The following NOX4 variants were observed in gnomAD, a reference collection of about 807,000 sequenced individuals.
The protein encoded by NOX4 is kidney oxidase-1.
Under a neutral mutation model 87.6 loss-of-function variants are expected in NOX4, and 69 were observed. The ratio of observed to expected loss-of-function variants is 0.79; its 90% CI spans 0.65 to 0.96. The LOEUF (loss-of-function observed/expected upper bound fraction) is 0.96. Among genes scored for constraint, NOX4 ranks in the 40% least tolerant of loss-of-function variants. NOX4 has a pLI of 0.00. For synonymous variants in NOX4, 275 were observed against 238.2 expected (o/e 1.15, Z -1.42); for missense variants, 680 against 681.5 (o/e 1.00, Z 0.02).
chr11:89,342,180 C>T lies in NOX4; in HGVS notation c.1231G>A (p.Gly411Ser). 1 of 1,612,188 alleles carries T rather than the reference C, an allele frequency of 6.2e-7. No individual in the cohort carries two copies. The highest frequency in any genetic ancestry group is 8.5e-7 in the Non-Finnish European group (1 of 1,178,968). Residue 411 changes from glycine (G) to serine (S), a missense_variant, in exon 14 of 18, where the codon GGT (glycine) becomes AGT (serine). Coordinates refer to ENST00000263317, the MANE Select transcript of NOX4 (RefSeq NM_016931.5). Reference protein sequence around the residue: ...SRNYPKLYIDGPFGSPFEESL... With the variant: ...SRNYPKLYIDSPFGSPFEESL... ...TCCTCAAATGGACTTCCAAAAGGAC[C>T]ATCAATATACAGCCTGTAGAGCAGT...
Position 89,400,195 on chromosome 11 carries a change from G to A in NOX4, c.1011+20C>T. The A allele has an allele frequency of 6.2e-7, 1 of 1,606,804 alleles. No homozygotes were observed. The highest frequency in any genetic ancestry group is 2.2e-5 in the East Asian group (1 of 44,692). The stretch of plus-strand genomic sequence containing the variant: ...CATAAGGATAAAGGCTATTTAAAAA[G>A]TTGCTGACCACTGACTCACCTGACC... On this transcript the variant is annotated intron_variant, in intron 10 of 17. Transcript: ENST00000263317.
At chr11:89,506,245 G>GAA in the NOX4 span, among the ~76,000 whole-genome samples, 1 of 130,206 alleles carries the variant, frequency 7.7e-6, no homozygotes, top group Admixed American at 8.2e-5. Context: ...AAGAGAGAGA[G>GAA]AGAAAGAAAA....
At chr11:89,545,230 G>A in the NOX4 span, 1 of 152,128 alleles carries the variant, frequency 6.6e-6, no homozygotes. Flanking sequence ...TTCTGTGTAT[G>A]TTTTTCTGCT....
intron 6 of NOX4, among the ~76,000 whole-genome samples, chr11:89,434,038 T>C (rs1011975325): frequency 2.0e-5 from 3 of 152,046 alleles, no homozygotes; most frequent in Admixed American, 1.3e-4. Context: ...AGAAAAGCTA[T>C]TGGGACAATT....
intron 11 of NOX4, among the ~76,000 whole-genome samples, chr11:89,392,020 G>C (rs899093839): frequency 6.7e-6 from 1 of 148,430 alleles, no homozygotes; most frequent in Non-Finnish European, 1.5e-5. Context: ...CCCGACCTGG[G>C]ATAATTTCCA....
chr11:89,579,729 G>T, the NOX4 span, among the ~76,000 whole-genome samples: 3,203 of 152,130 alleles, frequency 0.021, 94 homozygotes, highest in African/African-American at 0.066. Flanking sequence ...GAAACTGTAG[G>T]GAGTGAGGGG....
chr11:89,390,836 G>C (rs1272022420), intron 11 of NOX4, among the ~76,000 whole-genome samples: 1 of 152,106 alleles, frequency 6.6e-6, no homozygotes, highest in Non-Finnish European at 1.5e-5. Flanking sequence ...TTTTGTTAGA[G>C]AGAAATAAGC....
intron 17 of NOX4, among the ~76,000 whole-genome samples, chr11:89,328,090 G>A (rs190827083): frequency 6.6e-6 from 1 of 152,256 alleles, no homozygotes; most frequent in Admixed American, 6.5e-5. Flanking sequence ...AGGAGACAAA[G>A]AACGGAGTTA....
At chr11:89,519,539 C>A in the NOX4 span, among the ~76,000 whole-genome samples, 2 of 152,052 alleles carry the variant, frequency 1.3e-5, no homozygotes, top group Non-Finnish European at 2.9e-5. Context: ...AAGAGGTGAA[C>A]ATTTTTTCCA....
intron 2 of NOX4, among the ~76,000 whole-genome samples, chr11:89,477,216 G>A (rs1183304014): frequency 6.6e-6 from 1 of 152,120 alleles, no homozygotes; most frequent in African/African-American, 2.4e-5. Flanking sequence ...GAAACTAAAT[G>A]GTCCTATCTG....
At chr11:89,451,370 C>T (rs958293316) in intron 3 of NOX4, among the ~76,000 whole-genome samples, 4 of 152,082 alleles carry the variant, frequency 2.6e-5, no homozygotes, top group African/African-American at 9.7e-5. Flanking sequence ...AGTGAAAATA[C>T]AGAATCTCAA....
At chr11:89,510,441 T>TA in the NOX4 span, among the ~76,000 whole-genome samples, 1 of 152,026 alleles carries the variant, frequency 6.6e-6, no homozygotes, top group Non-Finnish European at 1.5e-5. Flanking sequence ...ACGAATATGA[T>TA]AGAGTGAGAT....
chr11:89,345,948 G>A (rs1946198504), intron 13 of NOX4, among the ~76,000 whole-genome samples: 1 of 152,092 alleles, frequency 6.6e-6, no homozygotes, highest in Non-Finnish European at 1.5e-5. Flanking sequence ...CCTAGCCAGA[G>A]CAATCAAGTA....
At chr11:89,508,659 G>A in the NOX4 span, among the ~76,000 whole-genome samples, 32 of 152,118 alleles carry the variant, frequency 2.1e-4, no homozygotes, top group African/African-American at 7.0e-4. Flanking sequence ...ATGGAGAGAG[G>A]ATGGGAGTAA....
intron 2 of NOX4, among the ~76,000 whole-genome samples, chr11:89,455,864 T>C (rs1339439413): frequency 2.0e-5 from 3 of 151,672 alleles, no homozygotes; most frequent in Admixed American, 6.6e-5. Context: ...AATACACATA[T>C]GGGAGCTAAA....
chr11:89,379,108 T>G (rs1940083735), intron 11 of NOX4, among the ~76,000 whole-genome samples: 1 of 152,038 alleles, frequency 6.6e-6, no homozygotes, highest in South Asian at 2.1e-4. Context: ...AAAATAACAA[T>G]TTAGAGATAT....
At chr11:89,392,901 A>G (rs1340784114) in intron 11 of NOX4, among the ~76,000 whole-genome samples, 3 of 152,142 alleles carry the variant, frequency 2.0e-5, no homozygotes, top group Non-Finnish European at 4.4e-5. Context: ...CAGAATCCTC[A>G]TAACAGAGAC....
At chr11:89,431,152 A>T in intron 7 of NOX4, among the ~76,000 whole-genome samples, 1 of 152,244 alleles carries the variant, frequency 6.6e-6, no homozygotes, top group East Asian at 1.9e-4. Flanking sequence ...GGCTAGTTGT[A>T]TGTAGAAAGC....
intron 12 of NOX4, among the ~76,000 whole-genome samples, chr11:89,356,421 G>T (rs541103979): frequency 9.2e-6 from 1 of 108,688 alleles, no homozygotes; most frequent in Non-Finnish European, 1.7e-5. Flanking sequence ...GAGGGGAAGA[G>T]GAAGGGGGAA....
Sources: gnomAD v4.1 joint callset for allele counts (sites outside exome capture counted in the v4.1 genomes callset) on GRCh38, gnomAD v4.1.1 for gene constraint, MANE v1.5 for transcripts, NCBI Gene and HGNC (gene_info 2026-07-23, HGNC 2026-07-21) for gene names.